The following ARB2A variants were observed in gnomAD, a reference collection of about 807,000 sequenced individuals.
ARB2A encodes ARB2 cotranscriptional regulator A, also known as cotranscriptional regulator ARB2A.
the ARB2A span, among the ~76,000 whole-genome samples, chr5:94,099,262 C>T: frequency 6.6e-6 from 1 of 152,028 alleles, no homozygotes; most frequent in Non-Finnish European, 1.5e-5. Flanking sequence ...AATAGCACAT[C>T]AAAAAGCTAA....
At chr5:93,647,367 C>T in the ARB2A span, among the ~76,000 whole-genome samples, 3 of 152,160 alleles carry the variant, frequency 2.0e-5, no homozygotes, top group African/African-American at 7.2e-5. Context: ...GCTGAGATTA[C>T]AGGCACTCGC....
At chr5:93,902,970 T>G in the ARB2A span, among the ~76,000 whole-genome samples, 1 of 152,132 alleles carries the variant, frequency 6.6e-6, no homozygotes, top group Non-Finnish European at 1.5e-5. Flanking sequence ...GAGCTTTTGT[T>G]GTACACCTGT....
the ARB2A span, among the ~76,000 whole-genome samples, chr5:93,708,686 G>A: frequency 6.6e-6 from 1 of 152,026 alleles, no homozygotes; most frequent in South Asian, 2.1e-4. Context: ...TTCCTAACAG[G>A]CCAGGGACCA....
chr5:94,016,262 G>A, the ARB2A span, among the ~76,000 whole-genome samples: 1 of 152,134 alleles, frequency 6.6e-6, no homozygotes, highest in Non-Finnish European at 1.5e-5. Context: ...ACACCTGGGG[G>A]TATAGTGTTA....
the ARB2A span, among the ~76,000 whole-genome samples, chr5:93,839,345 T>C: frequency 2.0e-5 from 3 of 152,214 alleles, no homozygotes; most frequent in Non-Finnish European, 4.4e-5. Context: ...TCCACTGATT[T>C]GCATATGTTG....
chr5:93,788,789 T>A, the ARB2A span, among the ~76,000 whole-genome samples: 2 of 152,316 alleles, frequency 1.3e-5, no homozygotes, highest in South Asian at 4.1e-4. Flanking sequence ...ATAGGGATGC[T>A]CTGCCATGAA....
chr5:93,728,627 G>C, the ARB2A span, among the ~76,000 whole-genome samples: 3 of 151,616 alleles, frequency 2.0e-5, no homozygotes, highest in Non-Finnish European at 4.4e-5. Context: ...AATTTCTCTG[G>C]ACTTGCTGAT....
chr5:93,729,711 C>A, the ARB2A span, among the ~76,000 whole-genome samples: 12 of 151,930 alleles, frequency 7.9e-5, no homozygotes, highest in Non-Finnish European at 1.5e-4. Context: ...TATAAAATGT[C>A]TAGTTAGATA....
At chr5:93,916,791 C>T in the ARB2A span, among the ~76,000 whole-genome samples, 1 of 152,102 alleles carries the variant, frequency 6.6e-6, no homozygotes, top group East Asian at 1.9e-4. Context: ...CTGAGCAGAT[C>T]CTAAAGGAAC....
At chr5:94,099,434 C>A in the ARB2A span, among the ~76,000 whole-genome samples, 1 of 151,570 alleles carries the variant, frequency 6.6e-6, no homozygotes, top group South Asian at 2.1e-4. Context: ...ACCATCTTGG[C>A]TAACACGGAG....
At chr5:93,676,636 G>T in the ARB2A span, among the ~76,000 whole-genome samples, 1 of 152,140 alleles carries the variant, frequency 6.6e-6, no homozygotes, top group South Asian at 2.1e-4. Flanking sequence ...CATTGTACAA[G>T]GAAGGAGCCT....
At chr5:93,777,514 T>C in the ARB2A span, among the ~76,000 whole-genome samples, 1 of 152,128 alleles carries the variant, frequency 6.6e-6, no homozygotes, top group East Asian at 1.9e-4. Context: ...TATCATCATA[T>C]GGTTTCTAAA....
At chr5:93,918,074 T>G in the ARB2A span, among the ~76,000 whole-genome samples, 1 of 152,192 alleles carries the variant, frequency 6.6e-6, no homozygotes, top group Non-Finnish European at 1.5e-5. Context: ...GGTCCTAATT[T>G]CATACCTGAA....
At chr5:94,087,686 C>T in the ARB2A span, among the ~76,000 whole-genome samples, 1 of 152,166 alleles carries the variant, frequency 6.6e-6, no homozygotes, top group African/African-American at 2.4e-5. Flanking sequence ...TCCAGGCCTG[C>T]AAGCTCCATT....
At chr5:93,667,103 A>C in the ARB2A span, among the ~76,000 whole-genome samples, 1 of 152,224 alleles carries the variant, frequency 6.6e-6, no homozygotes, top group Non-Finnish European at 1.5e-5. Context: ...TGAGGTGCAT[A>C]CATCAAAAAT....
chr5:93,881,674 T>C, the ARB2A span: 6 of 1,569,026 alleles, frequency 3.8e-6, no homozygotes, highest in African/African-American at 6.9e-5. Flanking sequence ...TTAGTACTAT[T>C]ACTCCATATC....
chr5:93,771,543 C>T, the ARB2A span, among the ~76,000 whole-genome samples: 1,279 of 151,950 alleles, frequency 8.4e-3, 21 homozygotes, highest in African/African-American at 0.029. Flanking sequence ...AGAAAATTTT[C>T]GCAACCTACT....
the ARB2A span, among the ~76,000 whole-genome samples, chr5:93,910,512 C>T: frequency 1.3e-5 from 2 of 151,288 alleles, no homozygotes; most frequent in African/African-American, 4.8e-5. Flanking sequence ...GCATTTTCCA[C>T]ATTGCTTAAA....
At chr5:94,068,862 C>CAAA in the ARB2A span, among the ~76,000 whole-genome samples, 36 of 62,314 alleles carry the variant, frequency 5.8e-4, no homozygotes, top group South Asian at 1.4e-3. Context: ...ACTAAAAATA[C>CAAA]AAAAAAAAAA....
Sources: gnomAD v4.1 joint callset for allele counts (sites outside exome capture counted in the v4.1 genomes callset) on GRCh38, gnomAD v4.1.1 for gene constraint, MANE v1.5 for transcripts, NCBI Gene and HGNC (gene_info 2026-07-23, HGNC 2026-07-21) for gene names.